Variants in IFT81 observed in about 807,000 individuals in gnomAD.
IFT81 encodes the protein intraflagellar transport protein 81 homolog.
A neutral mutation model predicts 102.6 loss-of-function variants in IFT81; 72 were observed. The ratio of observed to expected loss-of-function variants is 0.70; its 90% CI spans 0.58 to 0.85. IFT81 has a LOEUF of 0.85. Ranked by LOEUF, IFT81 falls within the 40% of genes least tolerant of loss-of-function variation. The probability of loss-of-function intolerance (pLI) is 0.00; values close to 1 mark genes in which losing one functional copy is unlikely to be tolerated. For synonymous variants in IFT81, 237 were observed against 242.7 expected (o/e 0.98, Z 0.22); for missense variants, 723 against 787.3 (o/e 0.92, Z 0.98).
chr12:110,216,176 GTT>G (rs1593384377), intron 18 of IFT81, among the ~76,000 whole-genome samples: 1 of 151,752 alleles, frequency 6.6e-6, no homozygotes, highest in Admixed American at 6.6e-5. Context: ...TGGTTTGGTT[GTT>G]TTGTTTTGTT....
Position 110,127,386 on chromosome 12 carries a change from T to C in IFT81, c.6T>C (p.Ser2=), listed in dbSNP as rs1412802929. M[S]DQIKFIMDSL... ...TAAAATTATAAGACCTAATTATGAG[T>C]GATCAAATTAAATTCATTATGGACA... The change falls in exon 2 of 19, where the codon AGT becomes AGC. Residue 2 remains serine (S), a synonymous_variant. Coordinates refer to ENST00000242591, the MANE Select transcript of IFT81 (RefSeq NM_014055.4). 16 of 1,574,610 alleles carry C rather than the reference T, an allele frequency of 1.0e-5. No individual in the cohort carries two copies. In the East Asian group the frequency reaches 3.2e-4, roughly 31 times the overall value.
chr12:110,207,087 T>C (rs1175029119), intron 17 of IFT81, among the ~76,000 whole-genome samples: 1 of 152,094 alleles, frequency 6.6e-6, no homozygotes, highest in Non-Finnish European at 1.5e-5. Context: ...TGGAGTGCAG[T>C]GGCACGATCT....
chr12:110,170,415 G>T (rs1000954964), intron 11 of IFT81, among the ~76,000 whole-genome samples: 1 of 152,202 alleles, frequency 6.6e-6, no homozygotes, highest in East Asian at 1.9e-4. Flanking sequence ...AGCAATCTCA[G>T]CTTGAAGACT....
At chr12:110,210,693 C>T (rs1203104292) in intron 18 of IFT81, among the ~76,000 whole-genome samples, 1 of 150,010 alleles carries the variant, frequency 6.7e-6, no homozygotes, top group Admixed American at 6.7e-5. Flanking sequence ...GAGCCGAGAT[C>T]ATGCCACTGC....
chr12:110,126,874 G>T (rs1319530713), intron 1 of IFT81, among the ~76,000 whole-genome samples: 1 of 152,222 alleles, frequency 6.6e-6, no homozygotes, highest in Non-Finnish European at 1.5e-5. Context: ...TTGTGGGCAT[G>T]CACAAATGTG....
At chr12:110,215,440 T>C (rs1469941978) in intron 18 of IFT81, among the ~76,000 whole-genome samples, 2 of 139,876 alleles carry the variant, frequency 1.4e-5, no homozygotes, top group African/African-American at 5.6e-5. Context: ...TTTCTTCTCT[T>C]CTTCTTCTTC....
At chr12:110,135,693 CCTGT>C (rs1894454359) in intron 7 of IFT81, among the ~76,000 whole-genome samples, 1 of 151,720 alleles carries the variant, frequency 6.6e-6, no homozygotes, top group Non-Finnish European at 1.5e-5. Flanking sequence ...ACAGTGAAAC[CCTGT>C]CTGTACTAAA....
intron 12 of IFT81, among the ~76,000 whole-genome samples, chr12:110,190,323 A>G (rs978620796): frequency 6.6e-6 from 1 of 152,126 alleles, no homozygotes; most frequent in African/African-American, 2.4e-5. Flanking sequence ...GTTTGCTCCC[A>G]GCTTTTGCAC....
intron 9 of IFT81, 92 bp downstream of exon 9, chr12:110,143,637 T>G: frequency 9.9e-7 from 1 of 1,010,424 alleles, no homozygotes; most frequent in Non-Finnish European, 1.4e-6. Flanking sequence ...TATCCCACTA[T>G]TGACTCTTAA....
At chr12:110,187,369 T>C (rs551563619) in intron 12 of IFT81, among the ~76,000 whole-genome samples, 1 of 152,268 alleles carries the variant, frequency 6.6e-6, no homozygotes, top group Non-Finnish European at 1.5e-5. Context: ...GTTCAAGTGA[T>C]TCTCCCACCT....
intron 11 of IFT81, 85 bp downstream of exon 11, chr12:110,163,150 T>C: frequency 1.0e-6 from 1 of 988,500 alleles, no homozygotes; most frequent in Non-Finnish European, 1.5e-6. Context: ...TTAGTGTGAA[T>C]GTTAATATTG....
intron 11 of IFT81, among the ~76,000 whole-genome samples, chr12:110,165,966 G>C (rs1264260551): frequency 1.3e-5 from 2 of 152,312 alleles, no homozygotes; most frequent in Admixed American, 1.3e-4. Flanking sequence ...GAGGCAGCAT[G>C]GTGGAGTGGT....
chr12:110,129,298 C>CT (rs1342702467), intron 4 of IFT81, among the ~76,000 whole-genome samples, 168 bp downstream of exon 4: 1 of 151,030 alleles, frequency 6.6e-6, no homozygotes, highest in African/African-American at 2.4e-5. Flanking sequence ...AAGATAATGG[C>CT]TTTTGCACAC....
intron 14 of IFT81, among the ~76,000 whole-genome samples, chr12:110,200,325 A>C (rs1454962817): frequency 6.6e-6 from 1 of 152,178 alleles, no homozygotes; most frequent in Non-Finnish European, 1.5e-5. Context: ...TAGGCTACAA[A>C]CCTGTACAGC....
At position 110,139,782 on chromosome 12, in the gene IFT81, C is replaced by CACAT. The variant is rs199771326; in HGVS notation, c.781+2938_781+2941dup. Among the ~76,000 whole-genome samples the CACAT allele has an allele frequency of 4.7e-5, 6 of 127,354 alleles. No individual in the cohort carries two copies. In the East Asian group the frequency reaches 6.6e-4, roughly 14 times the overall value. 83.5% of individuals were successfully genotyped at this position (127,354 alleles called of 152,430 possible). A position where few individuals can be genotyped will look rare whatever the true frequency, so the allele number is the denominator to read the frequency against. ...GAGTGAGACTCCATCTCAAAATAAA[C>CACAT]ACATACATACATACATACAATAAAA... is the stretch of plus-strand genomic sequence containing the variant. On this transcript the variant is annotated intron_variant, in intron 8 of 18. Coordinates refer to ENST00000242591, the MANE Select transcript of IFT81 (RefSeq NM_014055.4).
At chr12:110,207,085 A>G (rs912020076) in intron 17 of IFT81, among the ~76,000 whole-genome samples, 1 of 151,614 alleles carries the variant, frequency 6.6e-6, no homozygotes, top group Non-Finnish European at 1.5e-5. Flanking sequence ...GCTGGAGTGC[A>G]GTGGCACGAT....
At chr12:110,174,764 A>G (rs1377593217) in intron 11 of IFT81, among the ~76,000 whole-genome samples, 1 of 152,244 alleles carries the variant, frequency 6.6e-6, no homozygotes, top group Non-Finnish European at 1.5e-5. Flanking sequence ...CATTACTCTT[A>G]AAGGTTGTAA....
At chr12:110,180,340 A>C in intron 11 of IFT81, 82 bp from the exon 12 acceptor site, 1 of 737,472 alleles carries the variant, frequency 1.4e-6, no homozygotes, top group Non-Finnish European at 2.0e-6. Flanking sequence ...AAAAAATGTG[A>C]ATATATTGAG....
At chr12:110,204,077 C>T (rs1898443689) in intron 15 of IFT81, 127 bp downstream of exon 15, 2 of 630,092 alleles carry the variant, frequency 3.2e-6, no homozygotes, top group Non-Finnish European at 5.7e-6. Context: ...CTACAGTGAG[C>T]TATGATCACA....
Sources: gnomAD v4.1 joint callset for allele counts (sites outside exome capture counted in the v4.1 genomes callset) on GRCh38, gnomAD v4.1.1 for gene constraint, MANE v1.5 for transcripts, NCBI Gene and HGNC (gene_info 2026-07-23, HGNC 2026-07-21) for gene names.